RBBP6: variants seen among roughly 807,000 people sequenced by gnomAD.
RBBP6 encodes the protein RB binding protein 6, ubiquitin ligase.
Under a neutral mutation model 167.7 loss-of-function variants are expected in RBBP6, and 25 were observed. That is an observed-to-expected ratio of 0.15 (90% CI 0.11 to 0.21). The LOEUF (loss-of-function observed/expected upper bound fraction) is 0.21, where lower values mean the gene tolerates loss of function less well. Ranked by LOEUF, RBBP6 falls within the 10% of genes least tolerant of loss-of-function variation. The pLI is 1.00. For synonymous variants in RBBP6, 789 were observed against 735.8 expected, an observed-to-expected ratio of 1.07 and a Z score of -1.17; for missense variants, 1,868 against 2,134.2, an observed-to-expected ratio of 0.88 and a Z score of 2.46.
intron 13 of RBBP6, 106 bp downstream of exon 13, chr16:24,563,770 G>C: frequency 2.1e-6 from 2 of 972,852 alleles, no homozygotes; most frequent in Non-Finnish European, 2.9e-6. Context: ...TAGGCAGCGG[G>C]TCGCTGCTCT....
chr16:24,544,655 G>A (rs1264893325), intron 1 of RBBP6, among the ~76,000 whole-genome samples: 3 of 152,064 alleles, frequency 2.0e-5, no homozygotes, highest in Non-Finnish European at 4.4e-5. Context: ...GCATCTCTAG[G>A]TAATTTTTCT....
rs757644342 is a variant in RBBP6, at chr16:24,568,863, C to T, written c.2173C>T (p.Arg725Cys). The change falls in exon 17 of 18, where the codon CGT becomes TGT. Residue 725 changes from arginine to cysteine, a missense_variant. Arg to Cys is a radical substitution (Grantham distance 180). Coordinates refer to ENST00000319715, the MANE Select transcript of RBBP6 (RefSeq NM_006910.5). ...YSRSFSRSHSRSYSRSPPYPR... is the reference protein window; with the variant it reads ...YSRSFSRSHSCSYSRSPPYPR... ...TCGATCATTCAGCCGCTCACATTCT[C>T]GTTCCTATTCACGGTCACCTCCATA... 5 of 1,614,210 alleles carry T rather than the reference C, an allele frequency of 3.1e-6. No homozygotes were observed. The highest frequency in any genetic ancestry group is 2.5e-6 in the Non-Finnish European group (3 of 1,180,022).
At chr16:24,564,415 C>T (rs912437018) in intron 13 of RBBP6, among the ~76,000 whole-genome samples, 3 of 152,086 alleles carry the variant, frequency 2.0e-5, no homozygotes, top group Non-Finnish European at 2.9e-5. Context: ...TCCATTTCCT[C>T]GTTTGGATTT....
At chr16:24,552,748 G>A (rs1344511544) in intron 3 of RBBP6, among the ~76,000 whole-genome samples, 1 of 151,748 alleles carries the variant, frequency 6.6e-6, no homozygotes, top group Non-Finnish European at 1.5e-5. Flanking sequence ...TTAGAGAATT[G>A]GCAGTTAGTG....
At position 24,568,759 on chromosome 16, in the gene RBBP6, A is replaced by G. The variant is rs1188349196; in HGVS notation, c.2069A>G (p.Tyr690Cys). 2.5e-6 allele frequency: 4 copies of G among 1,613,624 alleles called. No homozygotes were observed. Among genetic ancestry groups the G allele is most frequent in the East Asian group, 4.5e-5 (2 of 44,882 alleles). Residue 690 changes from tyrosine (Y) to cysteine (C), a missense_variant, in exon 17 of 18, where the codon TAT becomes TGT. Transcript: ENST00000319715. ...TTTGTTTTTAGGTCTAAATCTCCCT[A>G]TAGTGGTTCTTCGTATTCAAGAAGT... ...RRSFSRSKSPYSGSSYSRSSY... is the reference protein window; with the variant it reads ...RRSFSRSKSPCSGSSYSRSSY...
intron 10 of RBBP6, 65 bp from the exon 11 acceptor site, chr16:24,563,134 C>A: frequency 7.3e-7 from 1 of 1,362,588 alleles, no homozygotes; most frequent in Non-Finnish European, 1.0e-6. Context: ...CAGCAGCAAA[C>A]TTTTTTACTC....
intron 10 of RBBP6, among the ~76,000 whole-genome samples, chr16:24,562,492 A>G (rs1899088914): frequency 6.6e-6 from 1 of 152,180 alleles, no homozygotes. Context: ...TTTGGATAGG[A>G]GTAGTTTTGA....
In RBBP6 at chr16:24,547,005, CT is replaced by C. The variant is rs537785813; in HGVS notation, c.266+746del. 2.6e-3 allele frequency among the ~76,000 whole-genome samples: 392 copies of C among 152,286 alleles called. 4 individuals are homozygous for C. The highest frequency in any genetic ancestry group is 8.9e-3 in the African/African-American group (369 of 41,546). On this transcript the variant is annotated intron_variant, in intron 2 of 17. Transcript: ENST00000319715. ...AACCTTATATCCTTAACTTTCTCTG[CT>C]TTCTTGCAATTTCAGTAGTGATAGC...
chr16:24,569,418 CAGA>C lies in RBBP6; in HGVS notation c.2731_2733del (p.Lys911del), dbSNP rs765989564. 4 of 1,613,788 alleles carry C rather than the reference CAGA, an allele frequency of 2.5e-6. No individual in the cohort carries two copies. Among genetic ancestry groups the C allele is most frequent in the South Asian group, 1.1e-5 (1 of 91,062 alleles). On this transcript the variant is annotated inframe_deletion, in exon 17 of 18. Transcript: ENST00000319715. Reference sequence around the variant, plus strand: ...GCTTTCAGCAAGAGATGGTCACAATCAGAAGGATAATACAAAGTCAAAAGAGAA... The same window carrying C: ...GCTTTCAGCAAGAGATGGTCACAATCAGGATAATACAAAGTCAAAAGAGAA...
chr16:24,572,225 C>A lies in RBBP6; in HGVS notation c.5159C>A (p.Ser1720Ter). Reference protein sequence around the residue: ...QTRSHSSSASSAESQDSKKKK... With the variant: ...QTRSHSSSAS Reference sequence around the variant, plus strand: ...CGAAGCCACAGTAGCAGTGCCAGCTCAGCAGAAAGTCAGGACAGCAAGAAG... The same window carrying A: ...CGAAGCCACAGTAGCAGTGCCAGCTAAGCAGAAAGTCAGGACAGCAAGAAG... The change falls in exon 18 of 18, where the codon TCA (serine) becomes TAA (stop). Residue 1720 changes from serine to a stop codon, truncating the protein, a stop_gained. Coordinates refer to ENST00000319715, the MANE Select transcript of RBBP6 (RefSeq NM_006910.5). LOFTEE classifies it high-confidence loss of function. 1 of 1,613,700 alleles carries A rather than the reference C, an allele frequency of 6.2e-7. No individual in the cohort carries two copies. Among genetic ancestry groups the A allele is most frequent in the Non-Finnish European group, 8.5e-7 (1 of 1,179,994 alleles).
At position 24,541,199 on chromosome 16, in the gene RBBP6, AAAAACC is replaced by A. The variant is rs1454896337; in HGVS notation, c.166+412_166+417del. Reference sequence around the variant, plus strand: ...CAATCAGCAAAAAAAAAAACAAAAAAAAAACCAAAAAAACAATTTTCTAACCTAACA... The same window carrying A: ...CAATCAGCAAAAAAAAAAACAAAAAAAAAAAAACAATTTTCTAACCTAACA... On this transcript the variant is annotated intron_variant, in intron 1 of 17. Transcript: ENST00000319715. 1.6e-3 allele frequency among the ~76,000 whole-genome samples: 214 copies of A among 132,562 alleles called. 6 individuals carry two copies. The highest frequency in any genetic ancestry group is 1.4e-3 in the African/African-American group (47 of 33,176). 87.0% of individuals were successfully genotyped at this position (132,562 alleles called of 152,430 possible). A position where few individuals can be genotyped will look rare whatever the true frequency, so the allele number is the denominator to read the frequency against.
At chr16:24,546,298 C>CT (rs3214553) in intron 2 of RBBP6, 36 bp downstream of exon 2, 384,189 of 1,491,752 alleles carry the variant, frequency 0.26, 50,284 homozygotes, top group Admixed American at 0.32. Flanking sequence ...TCAAAATAGA[C>CT]TTTTTTTAGT....
rs750709576 is a variant in RBBP6, at chr16:24,568,870, A to T, written c.2180A>T (p.Tyr727Phe). The T allele has an allele frequency of 6.2e-7, 1 of 1,614,192 alleles. No homozygotes were observed. Among genetic ancestry groups the T allele is most frequent in the Non-Finnish European group, 8.5e-7 (1 of 1,180,028 alleles). ...RSFSRSHSRS[Y>F]SRSPPYPRRG... Reference sequence around the variant, plus strand: ...TTCAGCCGCTCACATTCTCGTTCCTATTCACGGTCACCTCCATACCCCAGA... The same window carrying T: ...TTCAGCCGCTCACATTCTCGTTCCTTTTCACGGTCACCTCCATACCCCAGA... Residue 727 changes from tyrosine (Y) to phenylalanine (F), a missense_variant, in exon 17 of 18, where the codon TAT (tyrosine) becomes TTT (phenylalanine). By Grantham distance (22) the Tyr-to-Phe change is conservative (BLOSUM62 3). Coordinates refer to ENST00000319715, the MANE Select transcript of RBBP6 (RefSeq NM_006910.5).
chr16:24,550,323 G>GT (rs972625721), intron 3 of RBBP6, among the ~76,000 whole-genome samples: 30 of 140,838 alleles, frequency 2.1e-4, no homozygotes, highest in African/African-American at 4.1e-4. Flanking sequence ...AGTGTTTGGG[G>GT]TTTTTTTTTC....
intron 1 of RBBP6, among the ~76,000 whole-genome samples, chr16:24,541,072 GA>G (rs1314477715): frequency 2.0e-5 from 3 of 151,516 alleles, no homozygotes; most frequent in South Asian, 4.2e-4. Context: ...GGAGGGAGGA[GA>G]GGGGGATAGC....
intron 4 of RBBP6, 91 bp from the exon 5 acceptor site, chr16:24,555,524 C>T (rs1011046628): frequency 2.4e-5 from 23 of 957,208 alleles, no homozygotes; most frequent in African/African-American, 3.3e-5. Context: ...TAGTTAGATA[C>T]TGCTCTTTAC....
intron 7 of RBBP6, among the ~76,000 whole-genome samples, chr16:24,556,995 C>CTT (rs397962167): frequency 0.21 from 22,768 of 108,900 alleles, 2,700 homozygotes; most frequent in Admixed American, 0.26. Flanking sequence ...ACCTTAATGC[C>CTT]TTTTTTTTTT....
At chr16:24,550,121 A>T (rs1898759928) in intron 3 of RBBP6, among the ~76,000 whole-genome samples, 1 of 151,908 alleles carries the variant, frequency 6.6e-6, no homozygotes, top group Non-Finnish European at 1.5e-5. Context: ...ATTCAAGGGT[A>T]TTGCTTGCTA....
In RBBP6 at chr16:24,572,109, A is replaced by G; in HGVS notation, c.5043A>G (p.Ala1681=). The change falls in exon 18 of 18, where the codon GCA becomes GCG. Residue 1681 remains alanine, a synonymous_variant. Transcript: ENST00000319715. ...CAAAAGAGAGCCTGGACACAGCAGCAGTTGTCCAGGTGGGCATAAGCAGGA... is the reference window on the plus strand; with the variant it reads ...CAAAAGAGAGCCTGGACACAGCAGCGGTTGTCCAGGTGGGCATAAGCAGGA... ...EKAKESLDTA[A]VVQVGISRNQ... 1.2e-6 allele frequency: 2 copies of G among 1,614,184 alleles called. No individual in the cohort carries two copies.
Sources: allele counts gnomAD v4.1 joint callset (sites outside exome capture counted in the v4.1 genomes callset), GRCh38; gene constraint gnomAD v4.1.1; transcripts MANE v1.5; gene names NCBI Gene and HGNC (gene_info 2026-07-23, HGNC 2026-07-21).